Variants in SCIN observed in about 807,000 individuals in gnomAD.
The protein encoded by SCIN is adseverin.
A neutral mutation model predicts 91.8 loss-of-function variants in SCIN; 91 were observed. The observed-to-expected ratio is 0.99, with a 90% CI of 0.84 to 1.18. The LOEUF (loss-of-function observed/expected upper bound fraction) is 1.18, where lower values mean the gene tolerates loss of function less well. SCIN is among the 50% of genes most tolerant of loss of function. The probability of loss-of-function intolerance (pLI) is 0.00; values close to 1 mark genes in which losing one functional copy is unlikely to be tolerated. For synonymous variants in SCIN, 367 were observed against 312.6 expected (o/e 1.17, Z -1.84); for missense variants, 1,087 against 863.9 (o/e 1.26, Z -3.24).
At chr7:12,597,482 G>A (rs764028188) in intron 3 of SCIN, among the ~76,000 whole-genome samples, 3 of 152,206 alleles carry the variant, frequency 2.0e-5, no homozygotes, top group Non-Finnish European at 2.9e-5. Context: ...CATCGCATAG[G>A]CTGTTTTGGG....
Position 12,657,856 on chromosome 7 carries a change from T to C in SCIN, c.*5141T>C, listed in dbSNP as rs1318328353. The C allele has an allele frequency of 1.3e-5, 2 of 152,004 alleles. No homozygotes were observed. Among genetic ancestry groups the C allele is most frequent in the East Asian group, 1.9e-4 (1 of 5,158 alleles). The allele number at this position is 152,004 out of a possible 1,614,324, so 9.4% of individuals were successfully genotyped here. On this transcript the variant is annotated 3_prime_UTR_variant, in exon 16 of 16. Coordinates refer to ENST00000297029, the MANE Select transcript of SCIN (RefSeq NM_001112706.3). ...TCCATTTCTTCGGAATGATAATTTCTAATATACTTTTCTTCTATTATAGGA... is the reference window on the plus strand; with the variant it reads ...TCCATTTCTTCGGAATGATAATTTCCAATATACTTTTCTTCTATTATAGGA...
At chr7:12,604,894 T>A (rs1280006000) in intron 4 of SCIN, among the ~76,000 whole-genome samples, 2 of 152,150 alleles carry the variant, frequency 1.3e-5, no homozygotes, top group Admixed American at 1.3e-4. Flanking sequence ...GGTGTCACTA[T>A]CAAAGGAGCC....
At chr7:12,589,238 A>G in intron 3 of SCIN, among the ~76,000 whole-genome samples, 1 of 125,624 alleles carries the variant, frequency 8.0e-6, no homozygotes, top group African/African-American at 3.1e-5. Flanking sequence ...TTTTTTTGAG[A>G]TGGAGTCTTG....
chr7:12,654,342 C>A lies in SCIN; in HGVS notation c.*1627C>A, dbSNP rs1297997212. 2 of 152,074 alleles carry A rather than the reference C, an allele frequency of 1.3e-5. No homozygotes were observed. Among genetic ancestry groups the A allele is most frequent in the East Asian group, 3.9e-4 (2 of 5,180 alleles). The allele number at this position is 152,074 out of a possible 1,614,324, so 9.4% of individuals were successfully genotyped here. A position where few individuals can be genotyped will look rare whatever the true frequency, so the allele number is the denominator to read the frequency against. ...TCCAGGCAGGCATGAGATTTCTCAGCCTTACTTCAACTTGATTATGACCAT... is the reference window on the plus strand; with the variant it reads ...TCCAGGCAGGCATGAGATTTCTCAGACTTACTTCAACTTGATTATGACCAT... On this transcript the variant is annotated 3_prime_UTR_variant, in exon 16 of 16. Coordinates refer to ENST00000297029, the MANE Select transcript of SCIN (RefSeq NM_001112706.3).
intron 10 of SCIN, 65 bp downstream of exon 10, chr7:12,636,200 T>C: frequency 1.8e-6 from 2 of 1,115,940 alleles, no homozygotes; most frequent in South Asian, 1.4e-5. Flanking sequence ...TGGATAGCTA[T>C]AGCTCCCTCC....
intron 4 of SCIN, among the ~76,000 whole-genome samples, chr7:12,618,834 C>T (rs559783338): frequency 1.3e-5 from 2 of 152,104 alleles, no homozygotes; most frequent in Non-Finnish European, 2.9e-5. Context: ...ATTCTTGGAA[C>T]CTGTGAGCTG....
intron 1 of SCIN, among the ~76,000 whole-genome samples, chr7:12,572,965 G>A (rs1782298827): frequency 6.6e-6 from 1 of 151,970 alleles, no homozygotes; most frequent in African/African-American, 2.4e-5. Flanking sequence ...TACTGTGAAA[G>A]CACAAAGTTT....
chr7:12,571,325 G>A, intron 1 of SCIN: 1 of 376,992 alleles, frequency 2.7e-6, no homozygotes, highest in Non-Finnish European at 4.9e-6. Flanking sequence ...CTGCCTCAGC[G>A]CACACCGTCT....
At chr7:12,574,534 G>A (rs73291369) in intron 1 of SCIN, among the ~76,000 whole-genome samples, 3,115 of 152,198 alleles carry the variant, frequency 0.02, 89 homozygotes, top group African/African-American at 0.071. Flanking sequence ...ACACACACGA[G>A]TACAAGTAAA....
intron 11 of SCIN, among the ~76,000 whole-genome samples, chr7:12,640,743 A>T (rs1783842164): frequency 6.6e-6 from 1 of 152,258 alleles, no homozygotes. Context: ...GAACCCAAAC[A>T]GATAAATTTT....
intron 9 of SCIN, among the ~76,000 whole-genome samples, chr7:12,634,711 A>G (rs746062790): frequency 1.4e-4 from 22 of 152,198 alleles, no homozygotes; most frequent in Non-Finnish European, 2.9e-4. Context: ...TTGTTTTTTT[A>G]CTGTCTTCTC....
chr7:12,593,776 A>C (rs1036907539), intron 3 of SCIN, among the ~76,000 whole-genome samples: 2 of 152,116 alleles, frequency 1.3e-5, no homozygotes, highest in African/African-American at 4.8e-5. Context: ...ATTCCCAGGA[A>C]GGCTCTTCCC....
chr7:12,588,949 T>C (rs116787461), intron 3 of SCIN: 5,600 of 152,154 alleles, frequency 0.037, 380 homozygotes, highest in African/African-American at 0.13. Context: ...GGGGCGATGG[T>C]TGGGGGGAGA....
intron 13 of SCIN, among the ~76,000 whole-genome samples, chr7:12,646,694 T>C (rs901798853): frequency 1.3e-5 from 2 of 152,224 alleles, no homozygotes; most frequent in African/African-American, 4.8e-5. Context: ...ATTCTTCTTT[T>C]ATATAAAATT....
At chr7:12,605,249 C>T (rs1056226358) in intron 4 of SCIN, among the ~76,000 whole-genome samples, 1 of 152,112 alleles carries the variant, frequency 6.6e-6, no homozygotes, top group East Asian at 1.9e-4. Context: ...CGCAGGGCTT[C>T]ACCATGTTAG....
chr7:12,584,919 A>G (rs936051183), intron 3 of SCIN, among the ~76,000 whole-genome samples: 2 of 152,214 alleles, frequency 1.3e-5, no homozygotes, highest in Non-Finnish European at 2.9e-5. Flanking sequence ...TTGGAAAGAT[A>G]TGTCACAGTC....
At chr7:12,640,294 T>A in intron 10 of SCIN, 53 bp from the exon 11 acceptor site, 1 of 1,419,278 alleles carries the variant, frequency 7.0e-7, no homozygotes, top group Non-Finnish European at 9.3e-7. Flanking sequence ...ACTAAAACCT[T>A]CTTTCACAGC....
rs1389936225 is a variant in SCIN, at chr7:12,655,705, A to C, written c.*2990A>C. ...CCATAGCACAGTATTACTTTTGTAA[A>C]CATACACAAAAAATATTATATATTT... is the stretch of plus-strand genomic sequence containing the variant. On this transcript the variant is annotated 3_prime_UTR_variant, in exon 16 of 16. Transcript: ENST00000297029. 6.6e-6 allele frequency: 1 copy of C among 152,232 alleles called. No individual in the cohort carries two copies. The highest frequency in any genetic ancestry group is 1.5e-5 in the Non-Finnish European group (1 of 68,032). 9.4% of individuals were successfully genotyped at this position (152,232 alleles called of 1,614,324 possible). A position where few individuals can be genotyped will look rare whatever the true frequency, so the allele number is the denominator to read the frequency against.
intron 8 of SCIN, among the ~76,000 whole-genome samples, chr7:12,628,026 TGCGC>T (rs552358049): frequency 4.8e-4 from 42 of 87,680 alleles, no homozygotes; most frequent in Middle Eastern, 4.7e-3. Context: ...TAGGCAAGTG[TGCGC>T]GCGTGTGTGT....
Sources: allele counts gnomAD v4.1 joint callset (sites outside exome capture counted in the v4.1 genomes callset), GRCh38; gene constraint gnomAD v4.1.1; transcripts MANE v1.5; gene names NCBI Gene and HGNC (gene_info 2026-07-23, HGNC 2026-07-21).